Variants in ADAMTSL1 observed in about 807,000 individuals in gnomAD.
ADAMTSL1 encodes the protein ADAMTS like 1.
In ADAMTSL1, 126 loss-of-function variants were observed where a neutral mutation model predicts 201.8. The observed-to-expected ratio is 0.62, with a 90% CI of 0.54 to 0.72. The LOEUF (loss-of-function observed/expected upper bound fraction) is 0.72, where lower values mean the gene tolerates loss of function less well. Ranked by LOEUF, ADAMTSL1 falls within the 30% of genes least tolerant of loss-of-function variation. The pLI is 0.00. For missense variants in ADAMTSL1, 2,679 were observed against 2,277.8 expected (o/e 1.18, Z -3.59); for synonymous variants, 1,121 against 903.4 (o/e 1.24, Z -4.32).
intron 2 of ADAMTSL1, among the ~76,000 whole-genome samples, chr9:18,392,107 A>G (rs889696460): frequency 1.3e-5 from 2 of 152,114 alleles, no homozygotes; most frequent in Non-Finnish European, 2.9e-5. Flanking sequence ...TACAGGCATG[A>G]GTCACTGCGA....
intron 4 of ADAMTSL1, among the ~76,000 whole-genome samples, chr9:18,604,482 T>A (rs1370855045): frequency 1.3e-5 from 2 of 152,222 alleles, no homozygotes; most frequent in East Asian, 3.8e-4. Context: ...ATTTGACTAT[T>A]TGGGGTGCCT....
rs1033297859 is a variant in ADAMTSL1 at position 18,017,590 on chromosome 9, G to A, written c.87+110668G>A. Among the ~76,000 whole-genome samples, 9 of 151,790 alleles carry A rather than the reference G, an allele frequency of 5.9e-5. No homozygotes were observed. In the East Asian group the frequency reaches 7.8e-4, roughly 13 times the overall value. On this transcript the variant is annotated intron_variant, in intron 1 of 29. Transcript: ENST00000680146. Reference sequence around the variant, plus strand: ...AAGCCATGTATAGCTCCAATGATACGGTCTGCGAGCATTTTTGTTGGAAAT... The same window carrying A: ...AAGCCATGTATAGCTCCAATGATACAGTCTGCGAGCATTTTTGTTGGAAAT...
At chr9:18,222,187 T>C (rs1830284480) in intron 2 of ADAMTSL1, among the ~76,000 whole-genome samples, 1 of 152,026 alleles carries the variant, frequency 6.6e-6, no homozygotes, top group African/African-American at 2.4e-5. Context: ...GTATCCTTTG[T>C]GTATAACATA....
rs371589788 is a variant in ADAMTSL1, at chr9:18,710,661, G to T, written c.1876+3613G>T. Among the ~76,000 whole-genome samples the T allele has an allele frequency of 4.0e-4, 32 of 79,618 alleles. 1 individual carries two copies. The highest frequency in any genetic ancestry group is 5.1e-4 in the Admixed American group (3 of 5,842). The allele number at this position is 79,618 out of a possible 152,430, so 52.2% of individuals were successfully genotyped here. A position where few individuals can be genotyped will look rare whatever the true frequency, so the allele number is the denominator to read the frequency against. ...TCCTTGCAGTCTTAGAAGGGCCTAA[G>T]TTTTGTTTTGTTTTTTTTTTTTTTT... On this transcript the variant is annotated intron_variant, in intron 14 of 28. Coordinates refer to ENST00000380548, the MANE Select transcript of ADAMTSL1 (RefSeq NM_001040272.6).
chr9:18,489,679 T>C (rs1460846534), intron 1 of ADAMTSL1, among the ~76,000 whole-genome samples: 2 of 152,194 alleles, frequency 1.3e-5, no homozygotes, highest in African/African-American at 4.8e-5. Context: ...TTATTTTCTT[T>C]ATTTTTCTTT....
intron 2 of ADAMTSL1, among the ~76,000 whole-genome samples, chr9:18,227,794 CA>C (rs879378192): frequency 6.6e-6 from 1 of 152,138 alleles, no homozygotes; most frequent in Non-Finnish European, 1.5e-5. Flanking sequence ...TGTTATAATA[CA>C]TCATATCATC....
At chr9:18,673,801 T>C (rs1404068907) in intron 9 of ADAMTSL1, among the ~76,000 whole-genome samples, 2 of 152,170 alleles carry the variant, frequency 1.3e-5, no homozygotes, top group Non-Finnish European at 2.9e-5. Flanking sequence ...ACTAGAGTAA[T>C]GTAAAATATA....
Position 18,533,303 on chromosome 9 carries a change from G to C in ADAMTSL1, c.237+11G>C, listed in dbSNP as rs780082305. 9 of 1,602,338 alleles carry C rather than the reference G, an allele frequency of 5.6e-6. No individual in the cohort carries two copies. Among genetic ancestry groups the C allele is most frequent in the Non-Finnish European group, 7.7e-6 (9 of 1,174,222 alleles). On this transcript the variant is annotated intron_variant, in intron 3 of 28. Coordinates refer to ENST00000380548, the MANE Select transcript of ADAMTSL1 (RefSeq NM_001040272.6). ...ACATGCAGTAATGTGGTAAGTATAA[G>C]GTTCTGAGATTGTAATCATGTATTT...
chr9:18,560,111 C>G lies in ADAMTSL1; in HGVS notation c.238-13919C>G, dbSNP rs988833170. 2.6e-5 allele frequency among the ~76,000 whole-genome samples: 4 copies of G among 152,154 alleles called. No individual in the cohort carries two copies. In the South Asian group the frequency reaches 6.2e-4, roughly 24 times the overall value. ...CAGTTTTCAAAGGGAATGCTTCCAG[C>G]TTTTGCCCATTCAGTATGATATTGG... On this transcript the variant is annotated intron_variant, in intron 3 of 28. Transcript: ENST00000380548.
chr9:18,494,047 T>G (rs1370261145), intron 1 of ADAMTSL1, among the ~76,000 whole-genome samples: 1 of 152,150 alleles, frequency 6.6e-6, no homozygotes. Flanking sequence ...TTGTATCAAG[T>G]CCTAGCAATA....
intron 9 of ADAMTSL1, among the ~76,000 whole-genome samples, chr9:18,664,398 ATTT>A (rs150367532): frequency 0.1 from 15,662 of 152,060 alleles, 1,026 homozygotes; most frequent in Non-Finnish European, 0.14. Flanking sequence ...TCTCACTCAG[ATTT>A]AATGGTCTAA....
Position 17,973,675 on chromosome 9 carries a change from A to C in ADAMTSL1, c.87+66753A>C, listed in dbSNP as rs1470704954. Among the ~76,000 whole-genome samples the C allele has an allele frequency of 3.4e-5, 4 of 117,140 alleles. No individual in the cohort carries two copies. The South Asian group carries it at 8.6e-4, about 25-fold the overall frequency. The allele number at this position is 117,140 out of a possible 152,430, so 76.8% of individuals were successfully genotyped here. A position where few individuals can be genotyped will look rare whatever the true frequency, so the allele number is the denominator to read the frequency against. On this transcript the variant is annotated intron_variant, in intron 1 of 29. Coordinates refer to the ADAMTSL1 transcript ENST00000680146. ...TCTTTTTTGGTTCCATATGAAGTTTAAAGTAGTTTTTTCCAATTCTGTGAA... is the reference window on the plus strand; with the variant it reads ...TCTTTTTTGGTTCCATATGAAGTTTCAAGTAGTTTTTTCCAATTCTGTGAA...
chr9:18,523,501 C>T (rs1011265982), intron 2 of ADAMTSL1, among the ~76,000 whole-genome samples: 4 of 152,184 alleles, frequency 2.6e-5, no homozygotes, highest in African/African-American at 7.2e-5. Flanking sequence ...GTGTTTTAGA[C>T]ATGAAGTCCT....
chr9:18,432,207 C>G (rs1408992938), intron 2 of ADAMTSL1, among the ~76,000 whole-genome samples: 3 of 152,098 alleles, frequency 2.0e-5, no homozygotes, highest in Non-Finnish European at 4.4e-5. Flanking sequence ...TGTCTTTAAT[C>G]AAATCACTGA....
intron 1 of ADAMTSL1, among the ~76,000 whole-genome samples, chr9:17,947,477 G>C (rs1448950738): frequency 2.0e-5 from 3 of 151,882 alleles, no homozygotes; most frequent in Non-Finnish European, 4.4e-5. Flanking sequence ...TTTTTACTAG[G>C]ATGCTGTATT....
intron 15 of ADAMTSL1, among the ~76,000 whole-genome samples, chr9:18,724,929 CAG>C (rs1280754647): frequency 6.7e-6 from 1 of 149,122 alleles, no homozygotes; most frequent in Non-Finnish European, 1.5e-5. Flanking sequence ...TCTTTTGAGA[CAG>C]AGTCTCGCTC....
chr9:18,259,289 C>G (rs968611927), intron 2 of ADAMTSL1, among the ~76,000 whole-genome samples: 3 of 152,116 alleles, frequency 2.0e-5, no homozygotes, highest in Non-Finnish European at 4.4e-5. Flanking sequence ...CTTTGGGAAG[C>G]TGAGGTGAGC....
intron 1 of ADAMTSL1, among the ~76,000 whole-genome samples, chr9:17,929,871 G>T (rs753476813): frequency 2.6e-5 from 4 of 151,840 alleles, no homozygotes; most frequent in Admixed American, 2.6e-4. Context: ...TTTGTTATAC[G>T]TCTGCCATCC....
chr9:18,838,190 T>C (rs928779238), intron 23 of ADAMTSL1, among the ~76,000 whole-genome samples: 2 of 152,034 alleles, frequency 1.3e-5, no homozygotes, highest in Non-Finnish European at 2.9e-5. Context: ...AAAACTCTCA[T>C]TTTTAAAACC....
Sources: gnomAD v4.1 joint callset for allele counts (sites outside exome capture counted in the v4.1 genomes callset) on GRCh38, gnomAD v4.1.1 for gene constraint, MANE v1.5 for transcripts, NCBI Gene and HGNC (gene_info 2026-07-23, HGNC 2026-07-21) for gene names.